Variants in TNKS observed in about 807,000 individuals in gnomAD.
TNKS encodes tankyrase.
In TNKS, 72 loss-of-function variants were observed where a neutral mutation model predicts 135.8. That is an observed-to-expected ratio of 0.53 (90% confidence interval 0.44 to 0.64). TNKS has a LOEUF of 0.64. Among genes scored for constraint, TNKS ranks in the 30% least tolerant of loss-of-function variants. The probability of loss-of-function intolerance (pLI) is 0.00; values close to 1 mark genes in which losing one functional copy is unlikely to be tolerated. For synonymous variants in TNKS, 849 were observed against 649.3 expected, an observed-to-expected ratio of 1.31 and a Z score of -4.68; for missense variants, 1,769 against 1,674.0, an observed-to-expected ratio of 1.06 and a Z score of -0.99.
rs60138689 is a variant in TNKS at position 9,721,298 on chromosome 8, T to TTATA, written c.1921+764_1921+767dup. ...TCTGTCTCAAAAATAAATAAATAAA[T>TTATA]TATATATATATATAAAATTATAAAA... On this transcript the variant is annotated intron_variant, in intron 12 of 26. Coordinates refer to ENST00000310430, the MANE Select transcript of TNKS (RefSeq NM_003747.3). 4.9e-3 allele frequency among the ~76,000 whole-genome samples: 580 copies of TTATA among 118,156 alleles called. 17 individuals are homozygous for TTATA. The highest frequency in any genetic ancestry group is 0.015 in the African/African-American group (526 of 34,472). The allele number at this position is 118,156 out of a possible 152,430, so 77.5% of individuals were successfully genotyped here.
rs187760431 is a variant in TNKS, at chr8:9,710,949, C to T, written c.1749+729C>T. Among the ~76,000 whole-genome samples the T allele has an allele frequency of 2.0e-3, 309 of 152,156 alleles. 1 individual carries two copies. The highest frequency in any genetic ancestry group is 6.8e-3 in the African/African-American group (284 of 41,528). Reference sequence around the variant, plus strand: ...TGTAATAATTTTCTCAACCTCTACACTAAAGAAATATGACATATTTAATAA... The same window carrying T: ...TGTAATAATTTTCTCAACCTCTACATTAAAGAAATATGACATATTTAATAA... On this transcript the variant is annotated intron_variant, in intron 11 of 26. Coordinates refer to ENST00000310430, the MANE Select transcript of TNKS (RefSeq NM_003747.3).
chr8:9,619,904 C>G (rs1466572064), intron 3 of TNKS, among the ~76,000 whole-genome samples: 1 of 151,016 alleles, frequency 6.6e-6, no homozygotes, highest in East Asian at 1.9e-4. Context: ...CTAGCTTTGA[C>G]TACTAGATTT....
At chr8:9,601,482 C>T (rs1248427375) in intron 2 of TNKS, among the ~76,000 whole-genome samples, 1 of 152,150 alleles carries the variant, frequency 6.6e-6, no homozygotes, top group Non-Finnish European at 1.5e-5. Flanking sequence ...GATGCTGAGC[C>T]AAGCTGGACC....
At chr8:9,776,576 G>A (rs1226093083) in intron 26 of TNKS, 74 bp from the exon 27 acceptor site, 4 of 1,389,774 alleles carry the variant, frequency 2.9e-6, no homozygotes, top group South Asian at 1.2e-5. Flanking sequence ...AGCCTTTGAG[G>A]CTTCCACATT....
At chr8:9,567,858 A>G (rs572475173) in intron 1 of TNKS, among the ~76,000 whole-genome samples, 2 of 152,218 alleles carry the variant, frequency 1.3e-5, no homozygotes, top group Non-Finnish European at 2.9e-5. Context: ...CAGCAGTTTG[A>G]AAGTATGTAA....
intron 3 of TNKS, among the ~76,000 whole-genome samples, chr8:9,640,242 A>G (rs2128776150): frequency 1.3e-5 from 2 of 152,262 alleles, no homozygotes. Context: ...GAAGTCCAAT[A>G]TCAAGGAGCC....
At chr8:9,717,059 T>A (rs1804636924) in intron 11 of TNKS, among the ~76,000 whole-genome samples, 1 of 64,922 alleles carries the variant, frequency 1.5e-5, no homozygotes, top group Non-Finnish European at 3.4e-5. Context: ...CCAAAGATAA[T>A]CTGTTGTATT....
intron 20 of TNKS, among the ~76,000 whole-genome samples, chr8:9,757,008 G>C (rs955672072): frequency 6.6e-6 from 1 of 151,958 alleles, no homozygotes; most frequent in Admixed American, 6.6e-5. Context: ...ATGGAGTCTA[G>C]CTCTGTTGCC....
intron 11 of TNKS, among the ~76,000 whole-genome samples, chr8:9,715,369 G>A (rs1351098263): frequency 8.3e-5 from 2 of 24,174 alleles, no homozygotes; most frequent in East Asian, 8.5e-4. Context: ...CAGGGGGGGC[G>A]GGTATGATCA....
chr8:9,730,027 G>A (rs1376179439), intron 13 of TNKS, among the ~76,000 whole-genome samples: 9 of 151,950 alleles, frequency 5.9e-5, no homozygotes, highest in Non-Finnish European at 1.3e-4. Context: ...TGCCTGCCTT[G>A]GCCTCCCAAA....
At chr8:9,613,648 A>G (rs1043353627) in intron 2 of TNKS, among the ~76,000 whole-genome samples, 42 of 152,350 alleles carry the variant, frequency 2.8e-4, no homozygotes, top group African/African-American at 9.9e-4. Context: ...AGAGGTAGGC[A>G]TGGCCCAAAC....
rs570060932 is a variant in TNKS, at chr8:9,647,812, G to A, written c.994+32135G>A. ...GAACGACATAAGTTCTATGAAATGCGTCATTAGGTAGTTGTCATTGTGTGA... is the reference window on the plus strand; with the variant it reads ...GAACGACATAAGTTCTATGAAATGCATCATTAGGTAGTTGTCATTGTGTGA... On this transcript the variant is annotated intron_variant, in intron 3 of 26. Coordinates refer to ENST00000310430, the MANE Select transcript of TNKS (RefSeq NM_003747.3). 8.5e-5 allele frequency among the ~76,000 whole-genome samples: 13 copies of A among 152,232 alleles called. No homozygotes were observed. The South Asian group carries it at 1.7e-3, about 19-fold the overall frequency.
At chr8:9,734,265 G>T (rs1003923324) in intron 15 of TNKS, among the ~76,000 whole-genome samples, 1 of 152,024 alleles carries the variant, frequency 6.6e-6, no homozygotes, top group African/African-American at 2.4e-5. Context: ...GTCTGTGGCC[G>T]ACCCATAATA....
intron 3 of TNKS, among the ~76,000 whole-genome samples, chr8:9,670,552 T>A (rs946282600): frequency 3.3e-5 from 5 of 152,196 alleles, no homozygotes; most frequent in African/African-American, 1.2e-4. Context: ...CCTAAAACAA[T>A]GTTATATTAA....
intron 17 of TNKS, 128 bp downstream of exon 17, chr8:9,735,614 C>G (rs546683150): frequency 3.3e-5 from 22 of 673,316 alleles, no homozygotes; most frequent in African/African-American, 3.2e-4. Flanking sequence ...TCCTGGCTAA[C>G]ACGGTGAAAC....
intron 3 of TNKS, among the ~76,000 whole-genome samples, chr8:9,650,631 TCATGTC>T (rs1226252444): frequency 6.6e-6 from 1 of 152,248 alleles, no homozygotes; most frequent in Non-Finnish European, 1.5e-5. Context: ...AATTATCTAT[TCATGTC>T]CTTTGCCCAC....
At chr8:9,689,840 G>A (rs530466973) in intron 5 of TNKS, among the ~76,000 whole-genome samples, 23 of 152,280 alleles carry the variant, frequency 1.5e-4, no homozygotes, top group Middle Eastern at 3.4e-3. Flanking sequence ...GATCTAAGGT[G>A]GACCGATTCC....
intron 3 of TNKS, among the ~76,000 whole-genome samples, chr8:9,616,437 G>A (rs780851892): frequency 6.6e-6 from 1 of 152,096 alleles, no homozygotes; most frequent in Non-Finnish European, 1.5e-5. Context: ...ACTGACCTTC[G>A]TAATGAGCCT....
At chr8:9,703,570 G>A (rs1741001081) in intron 5 of TNKS, among the ~76,000 whole-genome samples, 1 of 152,146 alleles carries the variant, frequency 6.6e-6, no homozygotes, top group Admixed American at 6.5e-5. Flanking sequence ...GTTGATAGCT[G>A]TGCATTGCTC....
Sources: allele counts gnomAD v4.1 joint callset (sites outside exome capture counted in the v4.1 genomes callset), GRCh38; gene constraint gnomAD v4.1.1; transcripts MANE v1.5; gene names NCBI Gene and HGNC (gene_info 2026-07-23, HGNC 2026-07-21).